Variants in THBS1 observed in about 807,000 individuals in gnomAD.
THBS1 encodes the protein thrombospondin 1, also known as thrombospondin-1.
THBS1 carries 29 observed loss-of-function variants against 126.1 expected under a neutral mutation model. That is an observed-to-expected ratio of 0.23 (90% confidence interval 0.17 to 0.31). The LOEUF (loss-of-function observed/expected upper bound fraction) is 0.31, where lower values mean the gene tolerates loss of function less well. Ranked by LOEUF, THBS1 falls within the 10% of genes least tolerant of loss-of-function variation. THBS1 has a pLI of 1.00. For synonymous variants in THBS1, 496 were observed against 577.8 expected (o/e 0.86, Z 2.03); for missense variants, 1,198 against 1,545.2 (o/e 0.78, Z 3.77).
chr15:39,587,210 T>C, intron 7 of THBS1, 137 bp from the exon 8 acceptor site: 2 of 734,734 alleles, frequency 2.7e-6, no homozygotes, highest in Non-Finnish European at 4.2e-6. Context: ...ATTTGTCAAT[T>C]ATACCTCAGT....
chr15:39,582,282 G>A lies in THBS1; in HGVS notation c.157G>A (p.Asp53Asn), dbSNP rs193286534. 7 of 1,614,134 alleles carry A rather than the reference G, an allele frequency of 4.3e-6. No homozygotes were observed. In the African/African-American group the frequency reaches 6.7e-5, roughly 15 times the overall value. The change falls in exon 3 of 22, where the codon GAC becomes AAC. Residue 53 changes from aspartate (D) to asparagine (N), a missense_variant. Asp to Asn is a conservative substitution (Grantham distance 23, BLOSUM62 1). Transcript: ENST00000260356. ...GSGRRLVKGPDPSSPAFRIED... is the reference protein window; with the variant it reads ...GSGRRLVKGPNPSSPAFRIED... ...TGGGCGCCGACTGGTGAAGGGCCCC[G>A]ACCCTTCCAGCCCAGCTTTCCGCAT...
At position 39,588,946 on chromosome 15, in the gene THBS1, C is replaced by T; in HGVS notation, c.1646-13C>T. 1 of 1,614,208 alleles carries T rather than the reference C, an allele frequency of 6.2e-7. No homozygotes were observed. The highest frequency in any genetic ancestry group is 8.5e-7 in the Non-Finnish European group (1 of 1,180,038). On this transcript the variant is annotated splice_polypyrimidine_tract_variant and intron_variant, in intron 10 of 21. Transcript: ENST00000260356. Reference sequence around the variant, plus strand: ...AACCATTTACTGTGACTGTCTCTCTCTCCTTGTCTCAGATGGATGCCTGTC... The same window carrying T: ...AACCATTTACTGTGACTGTCTCTCTTTCCTTGTCTCAGATGGATGCCTGTC...
rs1890422153 is a variant in THBS1, at chr15:39,595,585, C to A, written c.*216C>A. On this transcript the variant is annotated 3_prime_UTR_variant, in exon 22 of 22. Coordinates refer to ENST00000260356, the MANE Select transcript of THBS1 (RefSeq NM_003246.4). ...ATTCAGCCTCCAATGAATAAGACATCTTCCAAGCATATAAACAATTGCTTT... is the reference window on the plus strand; with the variant it reads ...ATTCAGCCTCCAATGAATAAGACATATTCCAAGCATATAAACAATTGCTTT... The A allele has an allele frequency of 1.6e-6, 1 of 635,538 alleles. No homozygotes were observed. Among genetic ancestry groups the A allele is most frequent in the South Asian group, 1.8e-5 (1 of 56,078 alleles). 39.4% of individuals were successfully genotyped at this position (635,538 alleles called of 1,614,324 possible).
chr15:39,590,058 G>T (rs375693070), intron 13 of THBS1, 35 bp downstream of exon 13: 2 of 1,517,360 alleles, frequency 1.3e-6, no homozygotes, highest in African/African-American at 1.4e-5. Flanking sequence ...TCCAGAAAGA[G>T]GGCCCATCAC....
In THBS1 at chr15:39,588,662, A is replaced by G; in HGVS notation, c.1608A>G (p.Thr536=). ...GCAAGGACTGCGTTGGTGATGTAAC[A>G]GAAAACCAGATCTGCAACAAGCAGG... ...FGGKDCVGDV[T]ENQICNKQDC... The change falls in exon 10 of 22, where the codon ACA becomes ACG. Residue 536 remains threonine, a synonymous_variant. Coordinates refer to ENST00000260356, the MANE Select transcript of THBS1 (RefSeq NM_003246.4). 5 of 1,601,962 alleles carry G rather than the reference A, an allele frequency of 3.1e-6. No individual in the cohort carries two copies. Among genetic ancestry groups the G allele is most frequent in the Non-Finnish European group, 4.3e-6 (5 of 1,175,418 alleles).
rs1595510377 is a variant in THBS1 at position 39,589,300 on chromosome 15, C to T, written c.1872C>T (p.Phe624=). 9.3e-6 allele frequency: 15 copies of T among 1,614,148 alleles called. No individual in the cohort carries two copies. In the East Asian group the frequency reaches 3.3e-4, roughly 36 times the overall value. The change falls in exon 12 of 22, where the codon TTC becomes TTT. Residue 624 remains phenylalanine, a synonymous_variant. Coordinates refer to ENST00000260356, the MANE Select transcript of THBS1 (RefSeq NM_003246.4). The surrounding 1 kb of genome is among the most constrained non-coding windows in gnomAD (Gnocchi z 4.7). ...ACTGCCTGCCCTGCCCCCCACGCTT[C>T]ACCGGCTCACAGCCCTTCGGCCAGG... The part of the protein sequence containing the change: ...GYNCLPCPPR[F]TGSQPFGQGV...
At position 39,590,572 on chromosome 15, in the gene THBS1, T is replaced by C; in HGVS notation, c.2202T>C (p.Ile734=). 1.9e-6 allele frequency: 3 copies of C among 1,614,000 alleles called. No homozygotes were observed. Among genetic ancestry groups the C allele is most frequent in the Non-Finnish European group, 2.5e-6 (3 of 1,179,980 alleles). Residue 734 remains isoleucine, a synonymous_variant, in exon 14 of 22, where the codon ATT becomes ATC. Coordinates refer to ENST00000260356, the MANE Select transcript of THBS1 (RefSeq NM_003246.4). The part of the protein sequence containing the change: ...SGQEDYDKDG[I]GDACDDDDDN... ...AGGAAGACTATGACAAGGATGGAAT[T>C]GGTGATGCCTGTGATGATGACGATG...
chr15:39,595,409 G>A lies in THBS1; in HGVS notation c.*40G>A, dbSNP rs1007477061. The A allele has an allele frequency of 6.7e-7, 1 of 1,496,488 alleles. No homozygotes were observed. Among genetic ancestry groups the A allele is most frequent in the Non-Finnish European group, 8.9e-7 (1 of 1,121,606 alleles). The allele number at this position is 1,496,488 out of a possible 1,614,324, so 92.7% of individuals were successfully genotyped here. ...ATTGAAAGACTGATCATAAACCAAT[G>A]CTGGTATTGCACCTTCTGGAACTAT... On this transcript the variant is annotated 3_prime_UTR_variant, in exon 22 of 22. Transcript: ENST00000260356.
chr15:39,588,731 A>C lies in THBS1; in HGVS notation c.1645+32A>C, dbSNP rs573626255. 2.1e-5 allele frequency: 33 copies of C among 1,552,310 alleles called. 1 individual carries two copies. In the South Asian group the frequency reaches 4.0e-4, roughly 19 times the overall value. ...CACGCAGCCCAGGATGAAACGACCC[A>C]GGAGCTTTGCTCTTTTACTGAATGC... On this transcript the variant is annotated intron_variant, in intron 10 of 21. Coordinates refer to ENST00000260356, the MANE Select transcript of THBS1 (RefSeq NM_003246.4).
In THBS1 at chr15:39,588,237, G is replaced by GC; in HGVS notation, c.1471+20dup. 1 of 1,608,780 alleles carries GC rather than the reference G, an allele frequency of 6.2e-7. No homozygotes were observed. The highest frequency in any genetic ancestry group is 1.3e-5 in the African/African-American group (1 of 74,854). ...TGCCCCAGTAAGTGTGAGGTCCGCT[G>GC]CAAGGGTGAGCATGGGCAGCAGCTC... is the stretch of plus-strand genomic sequence containing the variant. On this transcript the variant is annotated intron_variant, in intron 9 of 21. Transcript: ENST00000260356.
Position 39,597,051 on chromosome 15 carries a change from T to A in THBS1, c.*1682T>A, listed in dbSNP as rs905428548. ...CCAATAAGGAAATAGCATTGAAATG[T>A]TAAATACAATTTCTGAAAGTTATGT... On this transcript the variant is annotated 3_prime_UTR_variant, in exon 22 of 22. Coordinates refer to ENST00000260356, the MANE Select transcript of THBS1 (RefSeq NM_003246.4). 1.3e-5 allele frequency: 2 copies of A among 152,222 alleles called. No homozygotes were observed. Among genetic ancestry groups the A allele is most frequent in the African/African-American group, 4.8e-5 (2 of 41,450 alleles). 9.4% of individuals were successfully genotyped at this position (152,222 alleles called of 1,614,324 possible). A position where few individuals can be genotyped will look rare whatever the true frequency, so the allele number is the denominator to read the frequency against.
rs922041952 is a variant in THBS1, at chr15:39,591,615, C to A, written c.2524C>A (p.Pro842Thr). The A allele has an allele frequency of 2.5e-6, 4 of 1,613,950 alleles. No homozygotes were observed. The African/African-American group carries it at 5.3e-5, about 22-fold the overall frequency. ...TGACAATTGCCCCTTGGAACACAATCCGGATCAGGTAGGTGGATGGACTCC... is the reference window on the plus strand; with the variant it reads ...TGACAATTGCCCCTTGGAACACAATACGGATCAGGTAGGTGGATGGACTCC... ...QCDNCPLEHN[P>T]DQLDSDSDRI... The change falls in exon 16 of 22, where the codon CCG becomes ACG. Residue 842 changes from proline to threonine, a missense_variant. Pro to Thr is a conservative substitution (Grantham distance 38). Transcript: ENST00000260356.
rs138023429 is a variant in THBS1 at position 39,589,248 on chromosome 15, G to A, written c.1820G>A (p.Arg607Gln). 8.1e-5 allele frequency: 130 copies of A among 1,614,088 alleles called. No individual in the cohort carries two copies. In the African/African-American group the frequency reaches 1.1e-3, roughly 13 times the overall value. The change falls in exon 12 of 22, where the codon CGG becomes CAG. Residue 607 changes from arginine (R) to glutamine (Q), a missense_variant. Transcript: ENST00000260356. The surrounding 1 kb of genome is among the most constrained non-coding windows in gnomAD (Gnocchi z 4.7). ...DACFNHNGEH[R>Q]CENTDPGYNC... ...TGCTTCAACCACAATGGAGAGCACC[G>A]GTGTGAGAACACGGACCCCGGCTAC...
chr15:39,585,378 G>A (rs768208494), intron 6 of THBS1, 92 bp from the exon 7 acceptor site: 9 of 1,163,010 alleles, frequency 7.7e-6, no homozygotes, highest in African/African-American at 1.5e-5. Flanking sequence ...CCCTGACCAT[G>A]TTTTGGCTTG....
intron 4 of THBS1, 107 bp from the exon 5 acceptor site, chr15:39,583,881 C>A: frequency 7.1e-7 from 1 of 1,408,910 alleles, no homozygotes; most frequent in East Asian, 2.4e-5. Flanking sequence ...CACGCAACCC[C>A]TCTACCTGCA....
At position 39,594,163 on chromosome 15, in the gene THBS1, G is replaced by A. The variant is rs370392120; in HGVS notation, c.3332G>A (p.Arg1111His). The part of the protein sequence containing the change: ...GWKDFTAYRW[R>H]LSHRPKTGFI... ...AAAGATTTCACCGCCTACAGATGGC[G>A]TCTCAGCCACAGGCCAAAGACGGGT... The change falls in exon 20 of 22, where the codon CGT becomes CAT. Residue 1111 changes from arginine to histidine, a missense_variant. By Grantham distance (29) the Arg-to-His change is conservative (BLOSUM62 0). Around this residue, in one of 4 missense-constraint regions of THBS1, gnomAD observed 255 missense variants for 373.9 expected, o/e 0.68. Coordinates refer to ENST00000260356, the MANE Select transcript of THBS1 (RefSeq NM_003246.4). The surrounding 1 kb of genome is among the most constrained non-coding windows in gnomAD (Gnocchi z 4.4). The A allele has an allele frequency of 5.8e-5, 93 of 1,614,048 alleles. No individual in the cohort carries two copies. The highest frequency in any genetic ancestry group is 2.2e-4 in the South Asian group (20 of 91,072).
rs1293750235 is a variant in THBS1, at chr15:39,599,388, C to T, written c.*4019C>T. ...CCCTTACCTAAATAACAGAAAGGCT[C>T]ACTATGTCCCAAATATCATTGGCAG... is the stretch of plus-strand genomic sequence containing the variant. On this transcript the variant is annotated 3_prime_UTR_variant, in exon 22 of 22. Coordinates refer to ENST00000260356, the MANE Select transcript of THBS1 (RefSeq NM_003246.4). 2.0e-5 allele frequency: 3 copies of T among 152,144 alleles called. No homozygotes were observed. Among genetic ancestry groups the T allele is most frequent in the Non-Finnish European group, 4.4e-5 (3 of 68,030 alleles). 9.4% of individuals were successfully genotyped at this position (152,144 alleles called of 1,614,324 possible).
At chr15:39,581,425 A>G (rs1357187923) in intron 1 of THBS1, among the ~76,000 whole-genome samples, 197 bp downstream of exon 1, 1 of 152,072 alleles carries the variant, frequency 6.6e-6, no homozygotes, top group African/African-American at 2.4e-5. Context: ...GAGGTTCACA[A>G]ACCAACTCAT....
chr15:39,589,014 T>C lies in THBS1; in HGVS notation c.1701T>C (p.Asp567=), dbSNP rs774076519. The C allele has an allele frequency of 3.1e-6, 5 of 1,614,174 alleles. No homozygotes were observed. In the Admixed American group the frequency reaches 6.7e-5, roughly 22 times the overall value. Residue 567 remains aspartate (D), a synonymous_variant, in exon 11 of 22, where the codon GAT becomes GAC. Transcript: ENST00000260356. The surrounding 1 kb of genome is among the most constrained non-coding windows in gnomAD (Gnocchi z 4.7). ...GCGTGAAGTGTACTAGCTACCCTGA[T>C]GGCAGCTGGAAATGTGGTGCTTGTC... The part of the protein sequence containing the change: ...FAGVKCTSYP[D]GSWKCGACPP...
Sources: gnomAD v4.1 joint callset for allele counts (sites outside exome capture counted in the v4.1 genomes callset) on GRCh38, gnomAD v4.1.1 for gene constraint, gnomAD v4.1.1 regional missense constraint, Gnocchi (gnomAD v3.1) non-coding constraint, MANE v1.5 for transcripts, NCBI Gene and HGNC (gene_info 2026-07-23, HGNC 2026-07-21) for gene names.